JHY: variants seen among roughly 807,000 people sequenced by gnomAD.
JHY encodes junctional cadherin complex regulator.
JHY carries 69 observed loss-of-function variants against 78.0 expected under a neutral mutation model. That is an observed-to-expected ratio of 0.88 (90% CI 0.73 to 1.08). The LOEUF (loss-of-function observed/expected upper bound fraction) is 1.08, where lower values mean the gene tolerates loss of function less well. Among genes scored for constraint, JHY ranks in the 50% least tolerant of loss-of-function variants. JHY has a pLI of 0.00. For missense variants in JHY, 944 were observed against 927.8 expected, an observed-to-expected ratio of 1.02 and a Z score of -0.23; for synonymous variants, 368 against 342.6, an observed-to-expected ratio of 1.07 and a Z score of -0.82.
intron 2 of JHY, among the ~76,000 whole-genome samples, chr11:122,892,464 A>T (rs2135286821): frequency 6.6e-6 from 1 of 152,124 alleles, no homozygotes; most frequent in African/African-American, 2.4e-5. Flanking sequence ...CTGGGACTAC[A>T]GGCGCGTGCC....
chr11:122,929,167 T>G (rs1211400560), intron 4 of JHY, among the ~76,000 whole-genome samples: 1 of 151,730 alleles, frequency 6.6e-6, no homozygotes, highest in Non-Finnish European at 1.5e-5. Flanking sequence ...CCTCAGGTGA[T>G]CTGCCTGCCT....
chr11:122,923,901 T>G, intron 3 of JHY, among the ~76,000 whole-genome samples: 1 of 144,380 alleles, frequency 6.9e-6, no homozygotes, highest in African/African-American at 2.5e-5. Context: ...TTTTTTTTTT[T>G]TTTTTTTTTG....
chr11:122,946,322 G>A (rs1345607585), intron 5 of JHY, among the ~76,000 whole-genome samples, 176 bp from the exon 6 acceptor site: 1 of 152,110 alleles, frequency 6.6e-6, no homozygotes, highest in African/African-American at 2.4e-5. Context: ...AAAAAGAGGA[G>A]GAGTTTAAGA....
chr11:122,907,256 T>G (rs1048956321), intron 3 of JHY, among the ~76,000 whole-genome samples: 2 of 152,152 alleles, frequency 1.3e-5, no homozygotes, highest in African/African-American at 4.8e-5. Flanking sequence ...ATGTGTTTTT[T>G]TTTTTGAACC....
chr11:122,924,888 C>T lies in JHY; in HGVS notation c.865-9C>T. 1 of 1,601,164 alleles carries T rather than the reference C, an allele frequency of 6.2e-7. No homozygotes were observed. The highest frequency in any genetic ancestry group is 1.1e-5 in the South Asian group (1 of 90,722). ...CAGTTAACATGCTGTATGTGTTTTA[C>T]CTACCTAGATCTCCTACCCCGTCAG... On this transcript the variant is annotated splice_polypyrimidine_tract_variant and intron_variant, in intron 3 of 8. Coordinates refer to ENST00000227349, the MANE Select transcript of JHY (RefSeq NM_024806.4).
At chr11:122,901,083 A>G (rs1406381310) in intron 2 of JHY, among the ~76,000 whole-genome samples, 1 of 152,228 alleles carries the variant, frequency 6.6e-6, no homozygotes, top group African/African-American at 2.4e-5. Flanking sequence ...GCACTTACAC[A>G]AACCTAGATA....
At chr11:122,925,126 C>A in intron 4 of JHY, 116 bp downstream of exon 4, 1 of 811,850 alleles carries the variant, frequency 1.2e-6, no homozygotes, top group Admixed American at 2.4e-5. Flanking sequence ...AGAATAATTA[C>A]CCACTTTCCT....
Position 122,935,513 on chromosome 11 carries a change from G to T in JHY, c.1634+438G>T, listed in dbSNP as rs1863734960. Among the ~76,000 whole-genome samples, 1 of 152,110 alleles carries T rather than the reference G, an allele frequency of 6.6e-6. No homozygotes were observed. The highest frequency in any genetic ancestry group is 1.5e-5 in the Non-Finnish European group (1 of 68,018). On this transcript the variant is annotated intron_variant, in intron 5 of 8. Transcript: ENST00000227349. The surrounding 1 kb of genome is among the most constrained non-coding windows in gnomAD (Gnocchi z 4.5). ...GCCTCCCAAAGTGCTGAGATTACAG[G>T]TGTGAGCCACCGCACCCGGCCAAGA...
rs1397245490 is a variant in JHY, at chr11:122,962,688, T to A, written c.*3243T>A. On this transcript the variant is annotated 3_prime_UTR_variant, in exon 9 of 9. Coordinates refer to ENST00000227349, the MANE Select transcript of JHY (RefSeq NM_024806.4). ...AGAATGCATATAGAGACATTCATATTTAAAGGGATAGGGTAAAATTTTTAA... is the reference window on the plus strand; with the variant it reads ...AGAATGCATATAGAGACATTCATATATAAAGGGATAGGGTAAAATTTTTAA... Among the ~76,000 whole-genome samples, 1 of 152,184 alleles carries A rather than the reference T, an allele frequency of 6.6e-6. No homozygotes were observed. The highest frequency in any genetic ancestry group is 1.5e-5 in the Non-Finnish European group (1 of 68,018).
chr11:122,911,982 A>G (rs566167063), intron 3 of JHY, among the ~76,000 whole-genome samples: 6 of 146,726 alleles, frequency 4.1e-5, no homozygotes, highest in African/African-American at 1.2e-4. Context: ...TAATAAAGTG[A>G]TGACTTTAAT....
chr11:122,957,028 C>T (rs559156013), intron 7 of JHY, among the ~76,000 whole-genome samples: 15 of 151,924 alleles, frequency 9.9e-5, no homozygotes, highest in Non-Finnish European at 2.2e-4. Flanking sequence ...CAGTTGCACT[C>T]AAGGCATAAA....
intron 3 of JHY, among the ~76,000 whole-genome samples, chr11:122,916,985 C>T (rs1019738522): frequency 2.6e-5 from 4 of 152,040 alleles, no homozygotes; most frequent in African/African-American, 9.7e-5. Flanking sequence ...CCCCCCACCC[C>T]CAACATGTTA....
intron 4 of JHY, among the ~76,000 whole-genome samples, chr11:122,928,031 T>G (rs1039539750): frequency 2.0e-5 from 3 of 152,150 alleles, no homozygotes; most frequent in African/African-American, 7.2e-5. Context: ...GTGCCTGTGT[T>G]TCTTTTGTAC....
intron 4 of JHY, among the ~76,000 whole-genome samples, chr11:122,926,187 C>CAAA (rs574945272): frequency 0.02 from 814 of 39,926 alleles, 10 homozygotes; most frequent in Non-Finnish European, 0.03. Flanking sequence ...GACTCCATCT[C>CAAA]AAAAAAAAAA....
chr11:122,952,495 G>A (rs184633040), intron 6 of JHY, among the ~76,000 whole-genome samples: 2 of 152,226 alleles, frequency 1.3e-5, no homozygotes, highest in East Asian at 3.9e-4. Flanking sequence ...GTTGCTATAA[G>A]CACTTCATCC....
intron 4 of JHY, among the ~76,000 whole-genome samples, chr11:122,931,103 C>T (rs970824516): frequency 2.0e-5 from 3 of 152,014 alleles, no homozygotes; most frequent in Non-Finnish European, 4.4e-5. Flanking sequence ...CCTAGTCACC[C>T]GAAAAGACCC....
chr11:122,919,592 G>A (rs1235639156), intron 3 of JHY, among the ~76,000 whole-genome samples: 2 of 152,128 alleles, frequency 1.3e-5, no homozygotes, highest in Non-Finnish European at 2.9e-5. Flanking sequence ...GAAAAGTATT[G>A]AAGGGTTTTT....
At chr11:122,904,744 T>C (rs1344854906) in intron 3 of JHY, among the ~76,000 whole-genome samples, 2 of 152,234 alleles carry the variant, frequency 1.3e-5, no homozygotes, top group South Asian at 2.1e-4. Flanking sequence ...TCCATTGTTA[T>C]GTCAGTTATT....
intron 6 of JHY, 128 bp downstream of exon 6, chr11:122,946,920 T>A: frequency 8.9e-7 from 1 of 1,123,232 alleles, no homozygotes; most frequent in South Asian, 1.7e-5. Flanking sequence ...TCGCCCAGAG[T>A]CCTAAGGAGT....
Sources: allele counts gnomAD v4.1 joint callset (sites outside exome capture counted in the v4.1 genomes callset), GRCh38; gene constraint gnomAD v4.1.1; non-coding constraint Gnocchi (gnomAD v3.1); transcripts MANE v1.5; gene names NCBI Gene and HGNC (gene_info 2026-07-23, HGNC 2026-07-21).